PDE8A: variants seen among roughly 807,000 people sequenced by gnomAD.
The protein encoded by PDE8A is phosphodiesterase 8A, also known as high affinity cAMP-specific and IBMX-insensitive 3',5'-cyclic phosphodiesterase 8A.
PDE8A carries 59 observed loss-of-function variants against 105.0 expected under a neutral mutation model. That is an observed-to-expected ratio of 0.56 (90% CI 0.46 to 0.70). PDE8A has a LOEUF of 0.70. Ranked by LOEUF, PDE8A falls within the 30% of genes least tolerant of loss-of-function variation. PDE8A has a pLI of 0.00. For missense variants in PDE8A, 1,014 were observed against 1,045.9 expected (o/e 0.97, Z 0.42); for synonymous variants, 355 against 371.9 (o/e 0.95, Z 0.52).
intron 17 of PDE8A, among the ~76,000 whole-genome samples, chr15:85,119,502 A>G (rs2082148891): frequency 1.3e-5 from 2 of 150,222 alleles, no homozygotes; most frequent in Non-Finnish European, 3.0e-5. Context: ...AATGTAATTC[A>G]CATACCATAC....
At chr15:85,007,224 T>G (rs978837990) in intron 1 of PDE8A, among the ~76,000 whole-genome samples, 5 of 151,956 alleles carry the variant, frequency 3.3e-5, no homozygotes, top group Admixed American at 2.6e-4. Context: ...CAGTGTCAGT[T>G]AAAGGGGCCA....
chr15:85,004,201 A>G (rs748368409), intron 1 of PDE8A, among the ~76,000 whole-genome samples: 3 of 152,132 alleles, frequency 2.0e-5, no homozygotes, highest in Non-Finnish European at 1.5e-5. Flanking sequence ...GCCATGCATA[A>G]TAGTTGTGTA....
chr15:85,092,853 A>C (rs1248564154), intron 8 of PDE8A, among the ~76,000 whole-genome samples: 3 of 152,176 alleles, frequency 2.0e-5, no homozygotes, highest in Non-Finnish European at 2.9e-5. Flanking sequence ...CCTGCTCTCT[A>C]AAATTATACT....
At chr15:84,991,299 C>T (rs2079882200) in intron 1 of PDE8A, among the ~76,000 whole-genome samples, 2 of 152,150 alleles carry the variant, frequency 1.3e-5, no homozygotes, top group Non-Finnish European at 2.9e-5. Flanking sequence ...AATAAGAAAA[C>T]AACCGCCCAG....
At chr15:85,126,757 T>A (rs1186080297) in intron 20 of PDE8A, among the ~76,000 whole-genome samples, 1 of 152,148 alleles carries the variant, frequency 6.6e-6, no homozygotes, top group East Asian at 1.9e-4. Flanking sequence ...TGCATATGCA[T>A]ACAGATTCAA....
chr15:85,021,172 A>G lies in PDE8A; in HGVS notation c.186+38824A>G, dbSNP rs570645327. On this transcript the variant is annotated intron_variant, in intron 1 of 21. Transcript: ENST00000394553. ...TAAGAACACATAGCAGGTGCCATCT[A>G]TGAAGAGTAGGCCCTCACCAGACAC... 1.0e-3 allele frequency among the ~76,000 whole-genome samples: 159 copies of G among 152,306 alleles called. 6 individuals carry two copies. The highest frequency in any genetic ancestry group is 8.1e-4 in the Non-Finnish European group (55 of 68,020).
chr15:85,075,115 C>T (rs2081363253), intron 3 of PDE8A, among the ~76,000 whole-genome samples: 2 of 152,198 alleles, frequency 1.3e-5, no homozygotes, highest in South Asian at 4.1e-4. Flanking sequence ...CTTTCTTTTA[C>T]TCTATGTCAC....
At chr15:84,994,103 A>G (rs1268409220) in intron 1 of PDE8A, among the ~76,000 whole-genome samples, 1 of 151,400 alleles carries the variant, frequency 6.6e-6, no homozygotes, top group Non-Finnish European at 1.5e-5. Context: ...TTCTGGGAGG[A>G]TTTTTTAGCT....
chr15:85,097,737 A>C (rs886563642), intron 8 of PDE8A: 1 of 531,086 alleles, frequency 1.9e-6, no homozygotes, highest in African/African-American at 1.9e-5. Flanking sequence ...CACTTAGACT[A>C]TGGTGACCTG....
At chr15:85,078,548 CAAAAAAAAAAAAA>C (rs72174562) in intron 5 of PDE8A, among the ~76,000 whole-genome samples, 2 of 94,360 alleles carry the variant, frequency 2.1e-5, no homozygotes, top group East Asian at 7.4e-4. Context: ...TACTCCATCT[CAAAAAAAAAAAAA>C]AAAAAAAAAG....
intron 1 of PDE8A, among the ~76,000 whole-genome samples, chr15:85,061,179 G>A (rs2081138471): frequency 1.3e-5 from 2 of 151,784 alleles, no homozygotes; most frequent in South Asian, 2.1e-4. Flanking sequence ...AGGATTTCTT[G>A]TGTGTGACCA....
intron 1 of PDE8A, among the ~76,000 whole-genome samples, chr15:85,027,848 T>C (rs1462489486): frequency 2.0e-5 from 3 of 152,238 alleles, no homozygotes; most frequent in African/African-American, 7.2e-5. Flanking sequence ...CTGTCATTTT[T>C]CTGATATGTA....
At chr15:85,075,769 C>G in intron 3 of PDE8A, 93 bp from the exon 4 acceptor site, 2 of 686,370 alleles carry the variant, frequency 2.9e-6, no homozygotes, top group South Asian at 3.9e-5. Context: ...CCTTCTACCC[C>G]TCTTCCAACT....
chr15:85,007,505 G>T (rs1453984405), intron 1 of PDE8A, among the ~76,000 whole-genome samples: 1 of 151,368 alleles, frequency 6.6e-6, no homozygotes, highest in African/African-American at 2.4e-5. Context: ...GTACAGTTAC[G>T]CTATATGTAC....
At chr15:85,109,017 A>G (rs2081984149) in intron 11 of PDE8A, 36 bp from the exon 12 acceptor site, 1 of 1,403,214 alleles carries the variant, frequency 7.1e-7, no homozygotes, top group Non-Finnish European at 1.0e-6. Context: ...TTGTTTAAAT[A>G]TCTTTGAAGA....
chr15:85,043,700 G>GTTTT (rs1327818451), intron 1 of PDE8A, among the ~76,000 whole-genome samples: 1 of 151,188 alleles, frequency 6.6e-6, no homozygotes, highest in African/African-American at 2.5e-5. Context: ...TTGTTTGTTT[G>GTTTT]TTTGTTTGTT....
chr15:85,085,589 T>G (rs1466791084), intron 6 of PDE8A, among the ~76,000 whole-genome samples: 1 of 150,628 alleles, frequency 6.6e-6, no homozygotes, highest in Non-Finnish European at 1.5e-5. Flanking sequence ...TCCCAGCTAC[T>G]CAGGAGGCTG....
intron 1 of PDE8A, among the ~76,000 whole-genome samples, chr15:85,024,168 C>G (rs757020783): frequency 1.3e-5 from 2 of 152,156 alleles, no homozygotes; most frequent in Non-Finnish European, 2.9e-5. Flanking sequence ...ACCCTCTGAT[C>G]CGTCTATCTG....
Position 85,029,051 on chromosome 15 carries a change from G to C in PDE8A, c.187-35319G>C, listed in dbSNP as rs141133573. 2.3e-4 allele frequency among the ~76,000 whole-genome samples: 35 copies of C among 152,270 alleles called. No homozygotes were observed. In the Middle Eastern group the frequency reaches 0.01, roughly 44 times the overall value. On this transcript the variant is annotated intron_variant, in intron 1 of 21. Transcript: ENST00000394553. ...CTGAAGACCATGTGAAGCTACTTTG[G>C]AGAGGGCATTTAGTATTTCATTTAG...
Sources: allele counts gnomAD v4.1 joint callset (sites outside exome capture counted in the v4.1 genomes callset), GRCh38; gene constraint gnomAD v4.1.1; transcripts MANE v1.5; gene names NCBI Gene and HGNC (gene_info 2026-07-23, HGNC 2026-07-21).